The following DDR2 variants were observed in gnomAD, a reference collection of about 807,000 sequenced individuals.
The protein encoded by DDR2 is discoidin domain receptor tyrosine kinase 2.
A neutral mutation model predicts 94.9 loss-of-function variants in DDR2; 27 were observed. The observed-to-expected ratio is 0.28, with a 90% CI of 0.21 to 0.39. DDR2 has a LOEUF of 0.39. DDR2 is among the 10% of genes least tolerant of loss of function. DDR2 has a pLI of 1.00. For missense variants in DDR2, 783 were observed against 1,076.0 expected (o/e 0.73, Z 3.81); for synonymous variants, 382 against 377.2 (o/e 1.01, Z -0.15).
At chr1:162,741,484 G>C (rs1016407058) in intron 3 of DDR2, 22 of 591,760 alleles carry the variant, frequency 3.7e-5, no homozygotes, top group Non-Finnish European at 4.7e-5. Flanking sequence ...GAGTAATAGT[G>C]TGTACTCTGC....
At chr1:162,763,509 A>AT in intron 9 of DDR2, among the ~76,000 whole-genome samples, 1 of 151,850 alleles carries the variant, frequency 6.6e-6, no homozygotes. Context: ...TAGAGTTTGC[A>AT]TTTTTAAGGG....
chr1:162,719,409 G>A lies in DDR2; in HGVS notation c.82+264G>A, dbSNP rs532067657. The stretch of plus-strand genomic sequence containing the variant: ...AGTAAGAGGGCATTTTAAAAAATGG[G>A]AGGTGGCAGAAGCAACCATTTGCTT... On this transcript the variant is annotated intron_variant, in intron 3 of 17. Coordinates refer to ENST00000367921, the MANE Select transcript of DDR2 (RefSeq NM_006182.4). Among the ~76,000 whole-genome samples the A allele has an allele frequency of 4.1e-3, 618 of 152,238 alleles. 1 individual carries two copies. Among genetic ancestry groups the A allele is most frequent in the Non-Finnish European group, 6.8e-3 (464 of 68,000 alleles).
intron 3 of DDR2, among the ~76,000 whole-genome samples, chr1:162,735,051 T>C (rs1305167158): frequency 2.0e-5 from 3 of 152,182 alleles, no homozygotes; most frequent in African/African-American, 7.2e-5. Flanking sequence ...GTAGGATTTG[T>C]AGAACTTGCT....
chr1:162,705,754 C>T (rs1383585923), intron 2 of DDR2, among the ~76,000 whole-genome samples: 1 of 152,186 alleles, frequency 6.6e-6, no homozygotes, highest in Admixed American at 6.5e-5. Flanking sequence ...GGCCCAGAGG[C>T]CAGCTTACTG....
intron 3 of DDR2, among the ~76,000 whole-genome samples, chr1:162,729,274 AT>A: frequency 8.5e-6 from 1 of 118,216 alleles, no homozygotes; most frequent in African/African-American, 3.1e-5. Context: ...AGCCAAGCAT[AT>A]CCATTTATAT....
intron 2 of DDR2, among the ~76,000 whole-genome samples, chr1:162,700,325 G>C (rs1660373232): frequency 6.6e-6 from 1 of 152,188 alleles, no homozygotes; most frequent in Admixed American, 6.5e-5. Context: ...GGCCTTGTGA[G>C]TGCAATGTCT....
rs148400982 is a variant in DDR2 at position 162,703,804 on chromosome 1, G to A, written c.-27-15233G>A. ...CACGTCTAATGGATTTTTCCCCATA[G>A]CTTCTCCCCCTCCACCCAACCCCAG... On this transcript the variant is annotated intron_variant, in intron 2 of 17. Coordinates refer to ENST00000367921, the MANE Select transcript of DDR2 (RefSeq NM_006182.4). Among the ~76,000 whole-genome samples the A allele has an allele frequency of 3.2e-3, 492 of 152,172 alleles. 1 individual carries two copies. The highest frequency in any genetic ancestry group is 3.1e-3 in the Non-Finnish European group (214 of 68,002).
intron 2 of DDR2, among the ~76,000 whole-genome samples, chr1:162,699,217 C>T (rs1481534804): frequency 1.3e-5 from 2 of 152,190 alleles, no homozygotes; most frequent in African/African-American, 2.4e-5. Context: ...TTCTGAAAAC[C>T]TGTGTGCAGA....
intron 3 of DDR2, among the ~76,000 whole-genome samples, chr1:162,746,029 G>T (rs566579782): frequency 6.6e-5 from 10 of 152,172 alleles, no homozygotes; most frequent in Non-Finnish European, 1.5e-4. Flanking sequence ...AATAGGAACA[G>T]CTCCAGTCTA....
At chr1:162,741,489 C>T (rs1357367764) in intron 3 of DDR2, 1 of 666,374 alleles carries the variant, frequency 1.5e-6, no homozygotes, top group Non-Finnish European at 1.9e-6. Context: ...ATAGTGTGTA[C>T]TCTGCCAACT....
chr1:162,704,683 C>T (rs569910865), intron 2 of DDR2, among the ~76,000 whole-genome samples: 1 of 152,112 alleles, frequency 6.6e-6, no homozygotes, highest in Non-Finnish European at 1.5e-5. Context: ...TAAAAGGACC[C>T]TGAAAGAGGG....
rs760923418 is a variant in DDR2 at position 162,759,929 on chromosome 1, A to G, written c.805A>G (p.Ile269Val). 4.3e-6 allele frequency: 7 copies of G among 1,614,176 alleles called. No individual in the cohort carries two copies. The highest frequency in any genetic ancestry group is 1.1e-5 in the South Asian group (1 of 91,090). The part of the protein sequence containing the change: ...WRNESATNGY[I>V]EIMFEFDRIR... ...GAACGAGAGTGCCACCAATGGCTAC[A>G]TTGAGATCATGTTTGAATTTGACCG... Residue 269 changes from isoleucine (I) to valine (V), a missense_variant, in exon 8 of 18, where the codon ATT becomes GTT. By Grantham distance (29) the Ile-to-Val change is conservative. Transcript: ENST00000367921.
chr1:162,773,590 A>G lies in DDR2; in HGVS notation c.1850A>G (p.Asn617Ser), dbSNP rs1421257960. 2 of 1,613,834 alleles carry G rather than the reference A, an allele frequency of 1.2e-6. No homozygotes were observed. The highest frequency in any genetic ancestry group is 1.3e-5 in the African/African-American group (1 of 74,930). The change falls in exon 14 of 18, where the codon AAT becomes AGT. Residue 617 changes from asparagine (N) to serine (S), a missense_variant. Transcript: ENST00000367921. ...ATGCTCCGAGCAGATGCCAACAAGA[A>G]TGCCAGGTCTGTGGTCTACATTTTG... is the stretch of plus-strand genomic sequence containing the variant. ...VKMLRADANK[N>S]ARNDFLKEIK...
intron 1 of DDR2, among the ~76,000 whole-genome samples, chr1:162,645,691 CT>C (rs1657372696): frequency 6.6e-6 from 1 of 152,074 alleles, no homozygotes; most frequent in African/African-American, 2.4e-5. Flanking sequence ...TTATTAATAG[CT>C]TTGAGGGTTC....
chr1:162,669,056 C>T (rs945929223), intron 2 of DDR2, among the ~76,000 whole-genome samples: 6 of 152,122 alleles, frequency 3.9e-5, no homozygotes, highest in East Asian at 3.9e-4. Context: ...TCCTTTGGGG[C>T]GCAAATATTA....
intron 7 of DDR2, among the ~76,000 whole-genome samples, chr1:162,757,098 A>G (rs1197269182): frequency 6.6e-6 from 1 of 152,218 alleles, no homozygotes; most frequent in Non-Finnish European, 1.5e-5. Context: ...TGGGGTTCAA[A>G]GGAAAAAGTA....
Position 162,714,950 on chromosome 1 carries a change from G to T in DDR2, c.-27-4087G>T, listed in dbSNP as rs529358404. Among the ~76,000 whole-genome samples the T allele has an allele frequency of 3.3e-5, 5 of 152,292 alleles. No individual in the cohort carries two copies. The East Asian group carries it at 7.7e-4, about 23-fold the overall frequency. On this transcript the variant is annotated intron_variant, in intron 2 of 17. Coordinates refer to ENST00000367921, the MANE Select transcript of DDR2 (RefSeq NM_006182.4). ...GGTTTGTACTACTAACTAAATAAGT[G>T]GGTAGAGAAGGGCTTTCCTAGCAGC... is the stretch of plus-strand genomic sequence containing the variant.
At chr1:162,646,630 T>C (rs1207709301) in intron 1 of DDR2, among the ~76,000 whole-genome samples, 1 of 152,208 alleles carries the variant, frequency 6.6e-6, no homozygotes, top group Admixed American at 6.5e-5. Context: ...CCATTTCACA[T>C]TGTGAAAACC....
chr1:162,778,434 T>G, intron 16 of DDR2, 146 bp from the exon 17 acceptor site: 1 of 985,280 alleles, frequency 1.0e-6, no homozygotes, highest in Non-Finnish European at 1.6e-6. Flanking sequence ...AATGGGCTGT[T>G]TCTAAATACT....
Sources: gnomAD v4.1 joint callset for allele counts (sites outside exome capture counted in the v4.1 genomes callset) on GRCh38, gnomAD v4.1.1 for gene constraint, MANE v1.5 for transcripts, NCBI Gene and HGNC (gene_info 2026-07-23, HGNC 2026-07-21) for gene names.